The following RAB5B variants were observed in gnomAD, a reference collection of about 807,000 sequenced individuals.
RAB5B encodes the protein RAB5B, member RAS oncogene family.
A neutral mutation model predicts 28.6 loss-of-function variants in RAB5B; 11 were observed. The ratio of observed to expected loss-of-function variants is 0.38; its 90% confidence interval spans 0.24 to 0.64. RAB5B has a LOEUF of 0.64. Among genes scored for constraint, RAB5B ranks in the 30% least tolerant of loss-of-function variants. The pLI is 0.53. For synonymous variants in RAB5B, 93 were observed against 97.9 expected, an observed-to-expected ratio of 0.95 and a Z score of 0.29; for missense variants, 169 against 265.6, an observed-to-expected ratio of 0.64 and a Z score of 2.53.
chr12:55,989,931 A>G lies in RAB5B; in HGVS notation c.164-16A>G. 2.5e-6 allele frequency: 4 copies of G among 1,605,908 alleles called. No individual in the cohort carries two copies. Among genetic ancestry groups the G allele is most frequent in the South Asian group, 1.1e-5 (1 of 90,936 alleles). On this transcript the variant is annotated splice_polypyrimidine_tract_variant and intron_variant, in intron 2 of 5. Transcript: ENST00000360299. Reference sequence around the variant, plus strand: ...TCCCACTTACAGCATCTTCCCCTCCATTCTCTCATCCATAGCGGCCTTCCT... The same window carrying G: ...TCCCACTTACAGCATCTTCCCCTCCGTTCTCTCATCCATAGCGGCCTTCCT...
At chr12:55,991,710 C>T (rs963318945) in intron 5 of RAB5B, 9 of 431,650 alleles carry the variant, frequency 2.1e-5, no homozygotes, top group Middle Eastern at 6.8e-4. Context: ...GGGCGGATCA[C>T]GAGGTCAAGA....
Position 55,995,997 on chromosome 12 carries a change from A to ATTTTTTTTTTTTTT in RAB5B, c.*3786_*3787insTTTTTTTTTTTTTT, listed in dbSNP as rs1432681953. ...CATATATATATACATATATATATAT[A>ATTTTTTTTTTTTTT]TATATATTTTTTTTTTAACAACTGG... On this transcript the variant is annotated 3_prime_UTR_variant, in exon 6 of 6. Coordinates refer to ENST00000360299, the MANE Select transcript of RAB5B (RefSeq NM_002868.4). 2 of 100,470 alleles carry ATTTTTTTTTTTTTT rather than the reference A, an allele frequency of 2.0e-5. No homozygotes were observed. The highest frequency in any genetic ancestry group is 1.0e-4 in the African/African-American group (2 of 19,266). 6.2% of individuals were successfully genotyped at this position (100,470 alleles called of 1,614,324 possible). A position where few individuals can be genotyped will look rare whatever the true frequency, so the allele number is the denominator to read the frequency against.
chr12:55,975,619 A>C (rs1889622944), intron 1 of RAB5B, among the ~76,000 whole-genome samples: 1 of 151,632 alleles, frequency 6.6e-6, no homozygotes, highest in Non-Finnish European at 1.5e-5. Flanking sequence ...GTCTCCAAAA[A>C]AAAAAAAGAC....
chr12:55,993,299 G>A lies in RAB5B; in HGVS notation c.*1087G>A, dbSNP rs1890192417. On this transcript the variant is annotated 3_prime_UTR_variant, in exon 6 of 6. Coordinates refer to ENST00000360299, the MANE Select transcript of RAB5B (RefSeq NM_002868.4). ...GAGGTTAATGCGAGGTTCGAGGAGA[G>A]GTTATAGATAAAACTACCAGTGGCA... 6.6e-6 allele frequency: 1 copy of A among 152,626 alleles called. No individual in the cohort carries two copies. 9.5% of individuals were successfully genotyped at this position (152,626 alleles called of 1,614,324 possible).
At position 55,992,187 on chromosome 12, in the gene RAB5B, A is replaced by G. The variant is rs1488971259; in HGVS notation, c.623A>G (p.Asn208Ser). The change falls in exon 6 of 6, where the codon AAC becomes AGC. Residue 208 changes from asparagine to serine, a missense_variant. By Grantham distance (46) the Asn-to-Ser change is conservative (BLOSUM62 1). Transcript: ENST00000360299. Reference protein sequence around the residue: ...GVDLHEQSQQNKSQCCSN With the variant: ...GVDLHEQSQQSKSQCCSN ...GATCTCCATGAACAGTCCCAGCAGA[A>G]CAAGAGCCAGTGTTGTAGCAACTGA... 2 of 1,613,968 alleles carry G rather than the reference A, an allele frequency of 1.2e-6. No individual in the cohort carries two copies. Among genetic ancestry groups the G allele is most frequent in the Non-Finnish European group, 1.7e-6 (2 of 1,179,994 alleles).
chr12:55,983,208 A>G (rs1261776704), intron 1 of RAB5B, among the ~76,000 whole-genome samples: 2 of 152,160 alleles, frequency 1.3e-5, no homozygotes, highest in Non-Finnish European at 2.9e-5. Flanking sequence ...CTTCCCAAGT[A>G]GCTGGGACTA....
At position 55,992,801 on chromosome 12, in the gene RAB5B, AT is replaced by A. The variant is rs992912016; in HGVS notation, c.*590del. 3.4e-6 allele frequency: 1 copy of A among 293,570 alleles called. No homozygotes were observed. The highest frequency in any genetic ancestry group is 2.4e-5 in the African/African-American group (1 of 42,526). The allele number at this position is 293,570 out of a possible 1,614,324, so 18.2% of individuals were successfully genotyped here. On this transcript the variant is annotated 3_prime_UTR_variant, in exon 6 of 6. Transcript: ENST00000360299. ...CATATTTGAAAACATTGCGGTATCC[AT>A]GATTTGGCCTTGTGGAGGGTGTTCC...
intron 1 of RAB5B, among the ~76,000 whole-genome samples, chr12:55,977,594 G>A (rs1007709140): frequency 6.6e-6 from 1 of 152,164 alleles, no homozygotes; most frequent in African/African-American, 2.4e-5. Context: ...AGAAGCAAGC[G>A]TATAGTTTGC....
chr12:55,992,354 A>G lies in RAB5B; in HGVS notation c.*142A>G, dbSNP rs1278715230. 1.3e-6 allele frequency: 1 copy of G among 749,958 alleles called. No individual in the cohort carries two copies. The highest frequency in any genetic ancestry group is 1.6e-5 in the South Asian group (1 of 64,440). The allele number at this position is 749,958 out of a possible 1,614,324, so 46.5% of individuals were successfully genotyped here. Reference sequence around the variant, plus strand: ...AGGGCTGCCTCCTGACAGCTCCGTCATGGCACTTTTTAACGCTTCAGCAAC... The same window carrying G: ...AGGGCTGCCTCCTGACAGCTCCGTCGTGGCACTTTTTAACGCTTCAGCAAC... On this transcript the variant is annotated 3_prime_UTR_variant, in exon 6 of 6. Transcript: ENST00000360299.
At chr12:55,975,786 ATTTCTT>A (rs1161887020) in intron 1 of RAB5B, among the ~76,000 whole-genome samples, 1 of 123,216 alleles carries the variant, frequency 8.1e-6, no homozygotes, top group Non-Finnish European at 1.7e-5. Context: ...TTATCACTAC[ATTTCTT>A]TTTTTTTTTT....
chr12:55,980,618 A>G (rs1055734522), intron 1 of RAB5B: 5 of 1,600,274 alleles, frequency 3.1e-6, no homozygotes, highest in Admixed American at 3.3e-5. Flanking sequence ...CTCTCGAGCC[A>G]ACTTATCGGC....
chr12:55,987,219 G>T, intron 2 of RAB5B, 96 bp downstream of exon 2: 1 of 1,286,820 alleles, frequency 7.8e-7, no homozygotes, highest in South Asian at 1.5e-5. Context: ...GGAGTGCAGT[G>T]GCGCAATCTT....
At chr12:55,984,603 AG>A (rs919680624) in intron 1 of RAB5B, among the ~76,000 whole-genome samples, 23 of 151,960 alleles carry the variant, frequency 1.5e-4, no homozygotes, top group Non-Finnish European at 3.1e-4. Context: ...CAGCCTCTGG[AG>A]TAGCTGGGAT....
chr12:55,976,579 T>C (rs1235584502), intron 1 of RAB5B, among the ~76,000 whole-genome samples: 1 of 152,254 alleles, frequency 6.6e-6, no homozygotes, highest in Non-Finnish European at 1.5e-5. Context: ...GTTCATGGTC[T>C]CTGCATGTTC....
At position 55,989,305 on chromosome 12, in the gene RAB5B, G is replaced by A. The variant is rs181986904; in HGVS notation, c.164-642G>A. Among the ~76,000 whole-genome samples the A allele has an allele frequency of 1.1e-4, 17 of 149,840 alleles. No homozygotes were observed. In the East Asian group the frequency reaches 1.6e-3, roughly 14 times the overall value. ...TGTTTGTTTTTTGAGACGGAGTTCC[G>A]CTCTTGTTGCCCAGGCTGAAGTGCA... On this transcript the variant is annotated intron_variant, in intron 2 of 5. Coordinates refer to ENST00000360299, the MANE Select transcript of RAB5B (RefSeq NM_002868.4).
intron 1 of RAB5B, among the ~76,000 whole-genome samples, chr12:55,974,635 G>A (rs370158608): frequency 4.5e-4 from 69 of 152,336 alleles, no homozygotes; most frequent in African/African-American, 1.5e-3. Flanking sequence ...CAGGGAAAGT[G>A]CCTATTGTAA....
At chr12:55,978,805 C>G (rs868858365) in intron 1 of RAB5B, among the ~76,000 whole-genome samples, 2 of 140,716 alleles carry the variant, frequency 1.4e-5, no homozygotes, top group African/African-American at 5.3e-5. Flanking sequence ...CGGATTCTTG[C>G]TTTGCTGTCC....
chr12:55,996,003 A>ATATTTTTTTTTTTTTTTTT lies in RAB5B; in HGVS notation c.*3792_*3793insATTTTTTTTTTTTTTTTTT. Reference sequence around the variant, plus strand: ...TATATACATATATATATATATATATATTTTTTTTTTAACAACTGGTAGGAT... The same window carrying ATATTTTTTTTTTTTTTTTT: ...TATATACATATATATATATATATATATATTTTTTTTTTTTTTTTTTTTTTTTTTTAACAACTGGTAGGAT... On this transcript the variant is annotated 3_prime_UTR_variant, in exon 6 of 6. Coordinates refer to ENST00000360299, the MANE Select transcript of RAB5B (RefSeq NM_002868.4). 6.2e-5 allele frequency: 6 copies of ATATTTTTTTTTTTTTTTTT among 97,428 alleles called. No individual in the cohort carries two copies. Among genetic ancestry groups the ATATTTTTTTTTTTTTTTTT allele is most frequent in the African/African-American group, 2.8e-4 (6 of 21,116 alleles). The allele number at this position is 97,428 out of a possible 1,614,324, so 6.0% of individuals were successfully genotyped here.
intron 1 of RAB5B, among the ~76,000 whole-genome samples, chr12:55,981,223 C>T (rs908839298): frequency 6.6e-6 from 1 of 151,998 alleles, no homozygotes; most frequent in Non-Finnish European, 1.5e-5. Flanking sequence ...ACCACCACAC[C>T]CAGCTAATTT....
Sources: allele counts gnomAD v4.1 joint callset (sites outside exome capture counted in the v4.1 genomes callset), GRCh38; gene constraint gnomAD v4.1.1; transcripts MANE v1.5; gene names NCBI Gene and HGNC (gene_info 2026-07-23, HGNC 2026-07-21).